Variants in ITK observed in about 807,000 individuals in gnomAD.
The protein encoded by ITK is tyrosine-protein kinase ITK/TSK.
In ITK, 45 loss-of-function variants were observed where a neutral mutation model predicts 87.6. The observed-to-expected ratio is 0.51, with a 90% CI of 0.40 to 0.66. The LOEUF is 0.66. Ranked by LOEUF, ITK falls within the 30% of genes least tolerant of loss-of-function variation. The pLI is 0.00. For synonymous variants in ITK, 303 were observed against 273.6 expected (o/e 1.11, Z -1.06); for missense variants, 605 against 766.3 (o/e 0.79, Z 2.48).
intron 1 of ITK, among the ~76,000 whole-genome samples, chr5:157,200,325 C>A (rs535969528): frequency 1.8e-4 from 27 of 152,182 alleles, no homozygotes; most frequent in Middle Eastern, 3.4e-3. Flanking sequence ...TGACTTTCGC[C>A]CCAAGTAATG....
At chr5:157,243,083 G>C (rs1400547428) in intron 11 of ITK, among the ~76,000 whole-genome samples, 1 of 152,210 alleles carries the variant, frequency 6.6e-6, no homozygotes, top group Non-Finnish European at 1.5e-5. Context: ...TACTCATTTT[G>C]TTGGTGAGGA....
chr5:157,240,485 G>A lies in ITK; in HGVS notation c.985+290G>A, dbSNP rs1194362171. The stretch of plus-strand genomic sequence containing the variant: ...AAAGCCGATCCCTGGTGCCAAAAAG[G>A]TTGGGGACTGCTGCTCTAGAGGACA... On this transcript the variant is annotated intron_variant, in intron 10 of 16. Transcript: ENST00000422843. 13 of 475,060 alleles carry A rather than the reference G, an allele frequency of 2.7e-5. No individual in the cohort carries two copies. In the East Asian group the frequency reaches 5.3e-4, roughly 19 times the overall value. 29.4% of individuals were successfully genotyped at this position (475,060 alleles called of 1,614,324 possible). A position where few individuals can be genotyped will look rare whatever the true frequency, so the allele number is the denominator to read the frequency against.
chr5:157,180,848 A>G lies in ITK; in HGVS notation c.-130A>G. On this transcript the variant is annotated 5_prime_UTR_variant, in exon 1 of 17. Coordinates refer to ENST00000422843, the MANE Select transcript of ITK (RefSeq NM_005546.4). ...AACGTTGATAGAAAGATAACGTTGA[A>G]GGCAAGTTGCCCTTGAGCAGCTCTC... The G allele has an allele frequency of 1.2e-6, 1 of 822,682 alleles. No homozygotes were observed. Among genetic ancestry groups the G allele is most frequent in the South Asian group, 1.5e-5 (1 of 68,140 alleles). The allele number at this position is 822,682 out of a possible 1,614,324, so 51.0% of individuals were successfully genotyped here.
In ITK at chr5:157,247,779, C is replaced by T. The variant is rs139207629; in HGVS notation, c.1634-1071C>T. Among the ~76,000 whole-genome samples the T allele has an allele frequency of 5.0e-4, 76 of 152,292 alleles. 1 individual carries two copies. The South Asian group carries it at 0.01, about 21-fold the overall frequency. On this transcript the variant is annotated intron_variant, in intron 15 of 16. Coordinates refer to ENST00000422843, the MANE Select transcript of ITK (RefSeq NM_005546.4). ...CATCAGCCCATTGGACTTTGTCCTA[C>T]GTTTTAAGTTTCTTTGCCCTAATTA... is the stretch of plus-strand genomic sequence containing the variant.
intron 1 of ITK, among the ~76,000 whole-genome samples, chr5:157,204,379 G>A (rs1440550276): frequency 6.6e-6 from 1 of 151,870 alleles, no homozygotes; most frequent in Non-Finnish European, 1.5e-5. Context: ...TGGGCAACAT[G>A]GTGAAACCCC....
In ITK at chr5:157,226,562, T is replaced by G. The variant is rs182089335; in HGVS notation, c.648-1734T>G. The stretch of plus-strand genomic sequence containing the variant: ...GATTCTGAGGGCAGATGTCCAATTC[T>G]CCAAAGAAAGTATGCCATGATTGAT... On this transcript the variant is annotated intron_variant, in intron 6 of 16. Transcript: ENST00000422843. Among the ~76,000 whole-genome samples, 72 of 152,292 alleles carry G rather than the reference T, an allele frequency of 4.7e-4. 1 individual carries two copies. The East Asian group carries it at 0.014, about 29-fold the overall frequency.
At position 157,240,050 on chromosome 5, in the gene ITK, C is replaced by A; in HGVS notation, c.852-12C>A. ...CTTAATAATCATTACATTTGTGTTT[C>A]ATTTGTTTAAGTGAGAACAATCCCT... On this transcript the variant is annotated splice_polypyrimidine_tract_variant and intron_variant, in intron 9 of 16. Coordinates refer to ENST00000422843, the MANE Select transcript of ITK (RefSeq NM_005546.4). The A allele has an allele frequency of 1.2e-6, 2 of 1,610,592 alleles. No homozygotes were observed. Among genetic ancestry groups the A allele is most frequent in the Non-Finnish European group, 1.7e-6 (2 of 1,176,980 alleles).
At chr5:157,250,329 C>T (rs1052972094) in intron 16 of ITK, among the ~76,000 whole-genome samples, 2 of 152,184 alleles carry the variant, frequency 1.3e-5, no homozygotes, top group Admixed American at 6.5e-5. Context: ...GTAGGCTTTT[C>T]GGACTGGTTT....
chr5:157,208,793 C>A, intron 1 of ITK, 96 bp from the exon 2 acceptor site: 1 of 867,614 alleles, frequency 1.2e-6, no homozygotes, highest in Non-Finnish European at 1.9e-6. Context: ...GTTTAAAAAG[C>A]CAATGGATCT....
At chr5:157,231,466 T>C (rs1754651897) in intron 7 of ITK, among the ~76,000 whole-genome samples, 1 of 152,222 alleles carries the variant, frequency 6.6e-6, no homozygotes, top group Admixed American at 6.5e-5. Flanking sequence ...GTTGGTGTCA[T>C]GTACTGTTCT....
Position 157,224,019 on chromosome 5 carries a change from C to T in ITK, c.647+1005C>T, listed in dbSNP as rs1033917478. ...CACTATTTGGCCGGGTGCACTGGCT[C>T]ACGCCTGTAATCCCAGCAGTTTGGG... is the stretch of plus-strand genomic sequence containing the variant. On this transcript the variant is annotated intron_variant, in intron 6 of 16. Transcript: ENST00000422843. 3.9e-5 allele frequency among the ~76,000 whole-genome samples: 6 copies of T among 152,342 alleles called. 1 individual carries two copies. The highest frequency in any genetic ancestry group is 3.4e-3 in the Middle Eastern group (1 of 294).
chr5:157,239,548 G>A (rs1188218156), intron 9 of ITK, among the ~76,000 whole-genome samples: 3 of 152,100 alleles, frequency 2.0e-5, no homozygotes, highest in Non-Finnish European at 2.9e-5. Flanking sequence ...GGTACAGCTC[G>A]CCACCCTTAT....
At chr5:157,216,191 G>T (rs1754294847) in intron 4 of ITK, among the ~76,000 whole-genome samples, 1 of 152,168 alleles carries the variant, frequency 6.6e-6, no homozygotes, top group Non-Finnish European at 1.5e-5. Context: ...TTTTCAAGAA[G>T]CACACTGCAC....
chr5:157,232,076 A>G (rs1754668997), intron 7 of ITK, among the ~76,000 whole-genome samples: 1 of 152,222 alleles, frequency 6.6e-6, no homozygotes, highest in Non-Finnish European at 1.5e-5. Context: ...AATGATCAGT[A>G]TTTTGCCAAT....
intron 4 of ITK, 24 bp from the exon 5 acceptor site, chr5:157,217,843 C>T: frequency 3.1e-6 from 5 of 1,612,176 alleles, no homozygotes; most frequent in Non-Finnish European, 4.2e-6. Context: ...CTCATTTTTT[C>T]TTTTCCTGTT....
At chr5:157,219,215 C>T (rs1373910526) in intron 5 of ITK, among the ~76,000 whole-genome samples, 1 of 151,130 alleles carries the variant, frequency 6.6e-6, no homozygotes, top group East Asian at 1.9e-4. Flanking sequence ...CAGGTTCAAG[C>T]GATTCTCCTG....
At position 157,233,964 on chromosome 5, in the gene ITK, T is replaced by TATATATATATATATA. The variant is rs1491125187; in HGVS notation, c.768+1570_768+1571insATATATATATATATA. 8.9e-3 allele frequency among the ~76,000 whole-genome samples: 149 copies of TATATATATATATATA among 16,788 alleles called. 7 individuals are homozygous for TATATATATATATATA. Among genetic ancestry groups the TATATATATATATATA allele is most frequent in the South Asian group, 0.014 (4 of 296 alleles). 11.0% of individuals were successfully genotyped at this position (16,788 alleles called of 152,430 possible). On this transcript the variant is annotated intron_variant, in intron 8 of 16. Transcript: ENST00000422843. ...ATATATATATATATATATATATATA[T>TATATATATATATATA]TTTTTTTTTTTTTTTTTTTTTTTTT...
At chr5:157,193,221 T>C (rs918373502) in intron 1 of ITK, among the ~76,000 whole-genome samples, 3 of 152,166 alleles carry the variant, frequency 2.0e-5, no homozygotes, top group Non-Finnish European at 4.4e-5. Context: ...ACCCTATCTC[T>C]CTTTGTTTTT....
intron 13 of ITK, among the ~76,000 whole-genome samples, 193 bp downstream of exon 13, chr5:157,244,671 C>G (rs369169210): frequency 2.6e-5 from 4 of 152,202 alleles, no homozygotes; most frequent in African/African-American, 9.7e-5. Flanking sequence ...GGGCTCTGAT[C>G]CCAGCCCAAA....
Sources: allele counts gnomAD v4.1 joint callset (sites outside exome capture counted in the v4.1 genomes callset), GRCh38; gene constraint gnomAD v4.1.1; transcripts MANE v1.5; gene names NCBI Gene and HGNC (gene_info 2026-07-23, HGNC 2026-07-21).